Variants in CNOT2 observed in about 807,000 individuals in gnomAD.
CNOT2 encodes CCR4-NOT transcription complex subunit 2.
A neutral mutation model predicts 72.1 loss-of-function variants in CNOT2; 7 were observed. The observed-to-expected ratio is 0.10, with a 90% CI of 0.06 to 0.18. The LOEUF (loss-of-function observed/expected upper bound fraction) is 0.18. CNOT2 is among the 10% of genes least tolerant of loss of function. The pLI, the probability that CNOT2 is intolerant of heterozygous loss-of-function variation, is 1.00. For missense variants in CNOT2, 345 were observed against 660.3 expected (o/e 0.52, Z 5.23); for synonymous variants, 196 against 225.6 (o/e 0.87, Z 1.17).
intron 1 of CNOT2, among the ~76,000 whole-genome samples, chr12:70,248,848 T>G (rs2135692215): frequency 6.6e-6 from 1 of 152,216 alleles, no homozygotes; most frequent in East Asian, 1.9e-4. Context: ...GTCCTTTCTC[T>G]GCCTTTTCTG....
At chr12:70,304,891 G>C (rs958885388) in intron 2 of CNOT2, among the ~76,000 whole-genome samples, 1 of 152,194 alleles carries the variant, frequency 6.6e-6, no homozygotes, top group Non-Finnish European at 1.5e-5. Flanking sequence ...CCCTCCCCCA[G>C]CCTGGCTGCT....
At chr12:70,273,611 A>G (rs1178632214) in intron 1 of CNOT2, among the ~76,000 whole-genome samples, 3 of 152,182 alleles carry the variant, frequency 2.0e-5, no homozygotes, top group African/African-American at 4.8e-5. Flanking sequence ...ATTTAAGCCC[A>G]TATCAAATGA....
chr12:70,286,795 T>A (rs557224259), intron 2 of CNOT2, among the ~76,000 whole-genome samples: 2 of 139,744 alleles, frequency 1.4e-5, no homozygotes, highest in Non-Finnish European at 3.1e-5. Context: ...GGAATTGCAT[T>A]GACTTTAGTT....
At chr12:70,315,745 A>T (rs979707180) in intron 3 of CNOT2, among the ~76,000 whole-genome samples, 13 of 152,150 alleles carry the variant, frequency 8.5e-5, no homozygotes, top group Admixed American at 2.6e-4. Flanking sequence ...CCTGATTATT[A>T]TGATGATTTT....
rs531544827 is a variant in CNOT2 at position 70,299,264 on chromosome 12, G to A, written c.49-11631G>A. ...ATACTTTAAGTTTTAAGGTACATGT[G>A]CACAACGTGCAGGTTTGTTACATAT... is the stretch of plus-strand genomic sequence containing the variant. On this transcript the variant is annotated intron_variant, in intron 2 of 15. Coordinates refer to ENST00000229195, the MANE Select transcript of CNOT2 (RefSeq NM_014515.7). Among the ~76,000 whole-genome samples, 106 of 151,866 alleles carry A rather than the reference G, an allele frequency of 7.0e-4. 2 individuals are homozygous for A. The South Asian group carries it at 8.1e-3, about 12-fold the overall frequency.
chr12:70,247,369 A>G (rs187427972), intron 1 of CNOT2, among the ~76,000 whole-genome samples: 25 of 151,958 alleles, frequency 1.6e-4, no homozygotes, highest in African/African-American at 6.0e-4. Flanking sequence ...TTGGTCAGGC[A>G]TGTCTCAAAC....
intron 15 of CNOT2, among the ~76,000 whole-genome samples, chr12:70,346,981 G>A (rs1882252441): frequency 6.6e-6 from 1 of 151,904 alleles, no homozygotes; most frequent in Non-Finnish European, 1.5e-5. Flanking sequence ...CTGCCTAGTA[G>A]AGAATATATT....
At chr12:70,333,759 A>G (rs1880284511) in intron 7 of CNOT2, among the ~76,000 whole-genome samples, 2 of 151,992 alleles carry the variant, frequency 1.3e-5, no homozygotes, top group Admixed American at 1.3e-4. Flanking sequence ...AAAGATTCCA[A>G]ATTTTAGCAT....
rs537697179 is a variant in CNOT2 at position 70,300,247 on chromosome 12, G to T, written c.49-10648G>T. 3.3e-3 allele frequency among the ~76,000 whole-genome samples: 501 copies of T among 152,174 alleles called. 5 individuals carry two copies. Among genetic ancestry groups the T allele is most frequent in the African/African-American group, 0.011 (444 of 41,520 alleles). On this transcript the variant is annotated intron_variant, in intron 2 of 15. Coordinates refer to ENST00000229195, the MANE Select transcript of CNOT2 (RefSeq NM_014515.7). ...AATTAGATCCCATTTGTCAATTTTG[G>T]CTTTTGTTGCCATTGCTTTTGGTGT...
chr12:70,244,637 G>T (rs969114189), intron 1 of CNOT2, among the ~76,000 whole-genome samples: 1 of 152,076 alleles, frequency 6.6e-6, no homozygotes, highest in Non-Finnish European at 1.5e-5. Context: ...TTCAACATCC[G>T]GAAGACTGAG....
chr12:70,346,994 T>A (rs145995840), intron 15 of CNOT2, among the ~76,000 whole-genome samples: 11 of 152,204 alleles, frequency 7.2e-5, no homozygotes, highest in Admixed American at 5.2e-4. Flanking sequence ...AATATATTAT[T>A]CTCTACATGT....
rs575864459 is a variant in CNOT2, at chr12:70,263,735, C to T, written c.-95-14397C>T. 9.9e-5 allele frequency among the ~76,000 whole-genome samples: 15 copies of T among 152,196 alleles called. No homozygotes were observed. In the South Asian group the frequency reaches 2.5e-3, roughly 25 times the overall value. On this transcript the variant is annotated intron_variant, in intron 1 of 15. Coordinates refer to ENST00000229195, the MANE Select transcript of CNOT2 (RefSeq NM_014515.7). ...GCTTTTTCACCCTGTGTATGAATTA[C>T]TTCTATTTATTTGCATGTCATAATT...
At chr12:70,301,085 T>C (rs1873869420) in intron 2 of CNOT2, among the ~76,000 whole-genome samples, 1 of 152,236 alleles carries the variant, frequency 6.6e-6, no homozygotes, top group African/African-American at 2.4e-5. Flanking sequence ...CCCGAGACTT[T>C]GCTGAAGTTG....
At chr12:70,300,081 T>G (rs566925020) in intron 2 of CNOT2, among the ~76,000 whole-genome samples, 3 of 152,348 alleles carry the variant, frequency 2.0e-5, no homozygotes, top group South Asian at 2.1e-4. Flanking sequence ...TGTTTTTTCT[T>G]GTAAATTTGT....
intron 15 of CNOT2, among the ~76,000 whole-genome samples, chr12:70,349,545 C>G (rs1275727275): frequency 6.6e-6 from 1 of 151,852 alleles, no homozygotes; most frequent in Non-Finnish European, 1.5e-5. Context: ...GCATTTTTCC[C>G]CAAATCACTT....
In CNOT2 at chr12:70,329,456, A is replaced by G; in HGVS notation, c.272A>G (p.Asn91Ser). The G allele has an allele frequency of 1.2e-6, 2 of 1,611,314 alleles. No individual in the cohort carries two copies. Among genetic ancestry groups the G allele is most frequent in the Admixed American group, 3.3e-5 (2 of 59,824 alleles). ...GGCCTTCCAATGAGGGGGATGAGCA[A>G]CAATACCCCTCAGTTAAATCGCAGC... Reference protein sequence around the residue: ...ALGLPMRGMSNNTPQLNRSLS... With the variant: ...ALGLPMRGMSSNTPQLNRSLS... The change falls in exon 5 of 16, where the codon AAC (asparagine) becomes AGC (serine). Residue 91 changes from asparagine to serine, a missense_variant. Coordinates refer to ENST00000229195, the MANE Select transcript of CNOT2 (RefSeq NM_014515.7).
intron 2 of CNOT2, among the ~76,000 whole-genome samples, chr12:70,298,231 T>C (rs1873170425): frequency 6.6e-6 from 1 of 152,178 alleles, no homozygotes; most frequent in Admixed American, 6.5e-5. Context: ...ACATAAATAT[T>C]CGATTGTGGT....
At chr12:70,338,612 T>C (rs1294037393) in intron 10 of CNOT2, 49 bp downstream of exon 10, 1 of 1,597,328 alleles carries the variant, frequency 6.3e-7, no homozygotes, top group African/African-American at 1.4e-5. Flanking sequence ...TGCTTTTTTT[T>C]CTATTTTTTA....
intron 2 of CNOT2, chr12:70,301,733 A>G (rs1255036243): frequency 6.6e-6 from 1 of 152,232 alleles, no homozygotes; most frequent in Admixed American, 6.5e-5. Context: ...TGCTGGCCTC[A>G]TAAAATGAAT....
Sources: gnomAD v4.1 joint callset for allele counts (sites outside exome capture counted in the v4.1 genomes callset) on GRCh38, gnomAD v4.1.1 for gene constraint, MANE v1.5 for transcripts, NCBI Gene and HGNC (gene_info 2026-07-23, HGNC 2026-07-21) for gene names.